Variants in CCDC201 observed in about 807,000 individuals in gnomAD.
The protein encoded by CCDC201 is coiled-coil domain-containing protein 201.
intron 1 of CCDC201, among the ~76,000 whole-genome samples, chr7:45,868,831 T>C (rs1786709859): frequency 6.6e-6 from 1 of 152,184 alleles, no homozygotes; most frequent in South Asian, 2.1e-4. Context: ...TCAAACAATA[T>C]AGAAACAAAC....
At chr7:45,881,349 C>A in the CCDC201 span, among the ~76,000 whole-genome samples, 1 of 152,162 alleles carries the variant, frequency 6.6e-6, no homozygotes, top group African/African-American at 2.4e-5. Flanking sequence ...CCTAATCTCT[C>A]ACTTCTTATG....
intron 2 of CCDC201, among the ~76,000 whole-genome samples, chr7:45,865,482 G>A (rs1192467824): frequency 2.6e-5 from 4 of 152,212 alleles, no homozygotes; most frequent in African/African-American, 9.6e-5. Context: ...GAGTGCTCCA[G>A]GAATGTAACA....
At chr7:45,881,344 T>C in the CCDC201 span, among the ~76,000 whole-genome samples, 1 of 152,164 alleles carries the variant, frequency 6.6e-6, no homozygotes, top group East Asian at 1.9e-4. Context: ...ATTACCCTAA[T>C]CTCTCACTTC....
At chr7:45,860,464 A>G (rs1445193625) in exon 3 of CCDC201, 4 of 152,220 alleles carry the variant, frequency 2.6e-5, no homozygotes, top group Non-Finnish European at 4.4e-5. Flanking sequence ...ATACACAGTG[A>G]GAGTTAAGAT....
chr7:45,880,981 G>C, the CCDC201 span, among the ~76,000 whole-genome samples: 2 of 152,138 alleles, frequency 1.3e-5, no homozygotes, highest in African/African-American at 4.8e-5. Context: ...ATGAGTTCAC[G>C]GGGCCAAACT....
chr7:45,876,399 G>T (rs1161857750), upstream of CCDC201, among the ~76,000 whole-genome samples: 1 of 152,198 alleles, frequency 6.6e-6, no homozygotes, highest in Non-Finnish European at 1.5e-5. Context: ...CTGAGGCACA[G>T]AGCTATCAGG....
the CCDC201 span, among the ~76,000 whole-genome samples, chr7:45,878,867 G>A: frequency 6.6e-6 from 1 of 152,302 alleles, no homozygotes; most frequent in Non-Finnish European, 1.5e-5. Context: ...ACATGGCTAG[G>A]CTGCAAATTT....
At chr7:45,879,104 T>C in the CCDC201 span, among the ~76,000 whole-genome samples, 1 of 152,242 alleles carries the variant, frequency 6.6e-6, no homozygotes, top group African/African-American at 2.4e-5. Flanking sequence ...TGCTAAAGCA[T>C]AGCAAGATTG....
intron 2 of CCDC201, among the ~76,000 whole-genome samples, chr7:45,864,723 T>C (rs1341597843): frequency 6.6e-6 from 1 of 152,028 alleles, no homozygotes; most frequent in Non-Finnish European, 1.5e-5. Context: ...TGAGGGAGTG[T>C]GGCAAGGAAG....
chr7:45,860,358 T>C (rs187752571), exon 3 of CCDC201: 2 of 152,340 alleles, frequency 1.3e-5, no homozygotes, highest in African/African-American at 4.8e-5. Flanking sequence ...GGCTATCTGA[T>C]GTGTATGTGC....
exon 3 of CCDC201, chr7:45,860,393 C>G (rs1270999949): frequency 6.6e-6 from 1 of 152,342 alleles, no homozygotes; most frequent in Non-Finnish European, 1.5e-5. Context: ...GATGGCTTAG[C>G]TTGGGCTCAG....
At chr7:45,861,231 T>C (rs1352679984) in exon 3 of CCDC201, 1 of 152,228 alleles carries the variant, frequency 6.6e-6, no homozygotes, top group African/African-American at 2.4e-5. Context: ...AAAGAATTAC[T>C]CTGATGTATT....
the CCDC201 span, among the ~76,000 whole-genome samples, chr7:45,883,184 A>G: frequency 2.0e-5 from 3 of 152,126 alleles, no homozygotes; most frequent in African/African-American, 7.2e-5. Flanking sequence ...TCTTTATCAA[A>G]TGGGCATGGG....
chr7:45,882,748 G>T, the CCDC201 span, among the ~76,000 whole-genome samples: 1 of 152,108 alleles, frequency 6.6e-6, no homozygotes, highest in Admixed American at 6.5e-5. Flanking sequence ...CCTTTTCTTT[G>T]CAGCACAGAG....
At chr7:45,860,439 A>G (rs1786584392) in exon 3 of CCDC201, 1 of 152,274 alleles carries the variant, frequency 6.6e-6, no homozygotes, top group Admixed American at 6.5e-5. Context: ...TTTTCTGCAA[A>G]ATACATGGGT....
At chr7:45,865,298 GGAA>G in intron 2 of CCDC201, among the ~76,000 whole-genome samples, 1 of 152,318 alleles carries the variant, frequency 6.6e-6, no homozygotes, top group Non-Finnish European at 1.5e-5. Flanking sequence ...AATTAGCAAA[GGAA>G]GAAGATGGCC....
the CCDC201 span, among the ~76,000 whole-genome samples, chr7:45,878,791 C>T: frequency 3.3e-5 from 5 of 152,254 alleles, no homozygotes; most frequent in African/African-American, 4.8e-5. Flanking sequence ...GTTTGATTCA[C>T]CTTTACTTAT....
chr7:45,869,899 C>CCT (rs1322652340), intron 1 of CCDC201, among the ~76,000 whole-genome samples: 2 of 150,952 alleles, frequency 1.3e-5, no homozygotes, highest in Non-Finnish European at 2.9e-5. Context: ...CTCACTGTAA[C>CCT]CTCTGCCTCT....
intron 2 of CCDC201, among the ~76,000 whole-genome samples, chr7:45,863,824 C>T (rs1169633295): frequency 6.6e-6 from 1 of 152,110 alleles, no homozygotes; most frequent in Non-Finnish European, 1.5e-5. Context: ...AAGACAGAAG[C>T]AAACCCACAG....
Sources: gnomAD v4.1 joint callset for allele counts (sites outside exome capture counted in the v4.1 genomes callset) on GRCh38, gnomAD v4.1.1 for gene constraint, MANE v1.5 for transcripts, NCBI Gene and HGNC (gene_info 2026-07-23, HGNC 2026-07-21) for gene names.